The following ADAMTS4 variants were observed in gnomAD, a reference collection of about 807,000 sequenced individuals.
ADAMTS4 encodes A disintegrin and metalloproteinase with thrombospondin motifs 4.
In ADAMTS4, 38 loss-of-function variants were observed where a neutral mutation model predicts 66.7. The ratio of observed to expected loss-of-function variants is 0.57; its 90% CI spans 0.44 to 0.75. The LOEUF is 0.75. ADAMTS4 is among the 30% of genes least tolerant of loss of function. ADAMTS4 has a pLI of 0.00. For synonymous variants in ADAMTS4, 418 were observed against 461.5 expected, an observed-to-expected ratio of 0.91 and a Z score of 1.21; for missense variants, 1,014 against 1,116.7, an observed-to-expected ratio of 0.91 and a Z score of 1.31.
At chr1:161,192,754 T>C (rs1664712659) in intron 7 of ADAMTS4, among the ~76,000 whole-genome samples, 1 of 152,162 alleles carries the variant, frequency 6.6e-6, no homozygotes, top group Non-Finnish European at 1.5e-5. Context: ...GGCTTGTTTT[T>C]CTTTGTGCAG....
chr1:161,191,303 C>A lies in ADAMTS4; in HGVS notation c.2349G>T (p.Leu783=). The change falls in exon 9 of 9, where the codon CTG becomes CTT. Residue 783 remains leucine (L), a synonymous_variant. Coordinates refer to ENST00000367996, the MANE Select transcript of ADAMTS4 (RefSeq NM_005099.6). ...GHGPLAQPLT[L]QVLVAGNPQD... ...GGGGGTTGCCAGCCACTAGGACTTG[C>A]AGTGTCAAAGGCTGGGCCAGTGGCC... 6.2e-7 allele frequency: 1 copy of A among 1,613,968 alleles called. No homozygotes were observed.
In ADAMTS4 at chr1:161,196,890, A is replaced by T; in HGVS notation, c.634-10T>A. 1 of 1,577,974 alleles carries T rather than the reference A, an allele frequency of 6.3e-7. No homozygotes were observed. Among genetic ancestry groups the T allele is most frequent in the Non-Finnish European group, 8.6e-7 (1 of 1,165,468 alleles). On this transcript the variant is annotated splice_polypyrimidine_tract_variant and intron_variant, in intron 1 of 8. Transcript: ENST00000367996. ...TCAGTGAAGCAAAGCGCTGTAGAGA[A>T]AAAGGGAGAGGAAGATCCTGAAATA...
At chr1:161,195,404 G>C in intron 4 of ADAMTS4, 61 bp downstream of exon 4, 1 of 1,513,904 alleles carries the variant, frequency 6.6e-7, no homozygotes, top group Admixed American at 2.0e-5. Flanking sequence ...GCGGAAGTGA[G>C]AGTGCCCTGG....
In ADAMTS4 at chr1:161,188,883, AATATATATATATATATATAT is replaced by A. The variant is rs71777753; in HGVS notation, c.*2235_*2254del. 2.9e-5 allele frequency: 2 copies of A among 68,322 alleles called. No homozygotes were observed. Among genetic ancestry groups the A allele is most frequent in the African/African-American group, 1.0e-4 (2 of 19,118 alleles). The allele number at this position is 68,322 out of a possible 1,614,324, so 4.2% of individuals were successfully genotyped here. ...TAGGCACCTGTCACCATGCCCGGCTAATATATATATATATATATATATATATTTTGTATTTTTAGTAGACA... is the reference window on the plus strand; with the variant it reads ...TAGGCACCTGTCACCATGCCCGGCTAATATATTTTGTATTTTTAGTAGACA... On this transcript the variant is annotated 3_prime_UTR_variant, in exon 9 of 9. Transcript: ENST00000367996.
chr1:161,193,450 C>T lies in ADAMTS4; in HGVS notation c.1736-62G>A. 6.3e-7 allele frequency: 1 copy of T among 1,577,166 alleles called. No homozygotes were observed. Among genetic ancestry groups the T allele is most frequent in the African/African-American group, 1.3e-5 (1 of 74,492 alleles). Reference sequence around the variant, plus strand: ...CCTCACATCACCCCACATCCCTCCACCCAACCCCTGAGAACTCTAGACAGC... The same window carrying T: ...CCTCACATCACCCCACATCCCTCCATCCAACCCCTGAGAACTCTAGACAGC... On this transcript the variant is annotated intron_variant, in intron 6 of 8. Coordinates refer to ENST00000367996, the MANE Select transcript of ADAMTS4 (RefSeq NM_005099.6). The surrounding 1 kb of genome is among the most constrained non-coding windows in gnomAD (Gnocchi z 4.4).
Position 161,194,390 on chromosome 1 carries a change from CTT to C in ADAMTS4, c.1262-171_1262-170del, listed in dbSNP as rs113034418. Among the ~76,000 whole-genome samples, 5 of 144,960 alleles carry C rather than the reference CTT, an allele frequency of 3.4e-5. No homozygotes were observed. Among genetic ancestry groups the C allele is most frequent in the Admixed American group, 6.9e-5 (1 of 14,582 alleles). On this transcript the variant is annotated intron_variant, in intron 4 of 8. Coordinates refer to ENST00000367996, the MANE Select transcript of ADAMTS4 (RefSeq NM_005099.6). This position sits in a 1 kb window ranked among gnomAD's most constrained non-coding sequence, Gnocchi z 4.1. ...TTATAATTTTTATTTTAATTACTTA[CTT>C]TTTTTTTTTTTTCCTGAGACAGAGT...
rs979204936 is a variant in ADAMTS4, at chr1:161,184,784, C to G, written c.*6354G>C. ...CTGTAATCCCAGCACTTTGGGAGGC[C>G]GAGGCAGGCAGATCACTTGAGCCCG... On this transcript the variant is annotated 3_prime_UTR_variant, in exon 9 of 9. Coordinates refer to ENST00000367996, the MANE Select transcript of ADAMTS4 (RefSeq NM_005099.6). 6.6e-6 allele frequency: 1 copy of G among 151,994 alleles called. No individual in the cohort carries two copies. The highest frequency in any genetic ancestry group is 2.4e-5 in the African/African-American group (1 of 41,350). The allele number at this position is 151,994 out of a possible 1,614,324, so 9.4% of individuals were successfully genotyped here.
rs1436372852 is a variant in ADAMTS4, at chr1:161,188,621, C to G, written c.*2517G>C. 1 of 151,774 alleles carries G rather than the reference C, an allele frequency of 6.6e-6. No individual in the cohort carries two copies. Among genetic ancestry groups the G allele is most frequent in the Non-Finnish European group, 1.5e-5 (1 of 67,934 alleles). The allele number at this position is 151,774 out of a possible 1,614,324, so 9.4% of individuals were successfully genotyped here. A position where few individuals can be genotyped will look rare whatever the true frequency, so the allele number is the denominator to read the frequency against. On this transcript the variant is annotated 3_prime_UTR_variant, in exon 9 of 9. Transcript: ENST00000367996. ...TCCCTCTCCTCAGGCATCAGGTATT[C>G]TGCCATTTTGAGGCACCTGGCTCCC...
Position 161,193,407 on chromosome 1 carries a change from C to A in ADAMTS4, c.1736-19G>T. ...GTCAGGGCTGGAGGGGTAAAACAGT[C>A]AGAGCCCCTCCTTCCTTCCTCACAT... On this transcript the variant is annotated intron_variant, in intron 6 of 8. Transcript: ENST00000367996. The surrounding 1 kb of genome is among the most constrained non-coding windows in gnomAD (Gnocchi z 4.4). The A allele has an allele frequency of 6.2e-7, 1 of 1,608,114 alleles. No individual in the cohort carries two copies. The highest frequency in any genetic ancestry group is 1.1e-5 in the South Asian group (1 of 90,804).
rs888527257 is a variant in ADAMTS4 at position 161,196,048 on chromosome 1, A to G, written c.1090+123T>C. 2.9e-5 allele frequency: 35 copies of G among 1,218,618 alleles called. No individual in the cohort carries two copies. The Middle Eastern group carries it at 6.0e-4, about 21-fold the overall frequency. 75.5% of individuals were successfully genotyped at this position (1,218,618 alleles called of 1,614,324 possible). On this transcript the variant is annotated intron_variant, in intron 3 of 8. Coordinates refer to ENST00000367996, the MANE Select transcript of ADAMTS4 (RefSeq NM_005099.6). The stretch of plus-strand genomic sequence containing the variant: ...TCTACACCTGGAGCAGAGAGGAGTA[A>G]TAGCCCTATACCTAGGCCTGGGGGA...
In ADAMTS4 at chr1:161,188,084, G is replaced by C. The variant is rs1413992936; in HGVS notation, c.*3054C>G. 6.6e-6 allele frequency: 1 copy of C among 151,038 alleles called. No homozygotes were observed. The highest frequency in any genetic ancestry group is 1.5e-5 in the Non-Finnish European group (1 of 67,890). 9.4% of individuals were successfully genotyped at this position (151,038 alleles called of 1,614,324 possible). A position where few individuals can be genotyped will look rare whatever the true frequency, so the allele number is the denominator to read the frequency against. On this transcript the variant is annotated 3_prime_UTR_variant, in exon 9 of 9. Transcript: ENST00000367996. The stretch of plus-strand genomic sequence containing the variant: ...CCTGCCTCAGCCTCATGAGTAGCTG[G>C]GACTATAGGCGCTTGCCACCACACC...
chr1:161,194,026 TG>T lies in ADAMTS4; in HGVS notation c.1456del (p.His486ThrfsTer95). The T allele has an allele frequency of 6.2e-7, 1 of 1,612,706 alleles. No individual in the cohort carries two copies. Among genetic ancestry groups the T allele is most frequent in the South Asian group, 1.1e-5 (1 of 90,966 alleles). On this transcript the variant is annotated frameshift_variant, in exon 5 of 9. Transcript: ENST00000367996. LOFTEE classifies it high-confidence loss of function. The surrounding 1 kb of genome is among the most constrained non-coding windows in gnomAD (Gnocchi z 4.1). ...GGGTGTGCCATCGGCCCAGGGCGAGTGTTTGGTCTGGCACATGGCATGGCCA... is the reference window on the plus strand; with the variant it reads ...GGGTGTGCCATCGGCCCAGGGCGAGTTTTGGTCTGGCACATGGCATGGCCA... ...LNGHAMCQTK[H>X]SPWADGTPCG... is the part of the protein sequence containing the mutation.
At position 161,193,374 on chromosome 1, in the gene ADAMTS4, C is replaced by T. The variant is rs746213424; in HGVS notation, c.1750G>A (p.Glu584Lys). 25 of 1,613,498 alleles carry T rather than the reference C, an allele frequency of 1.5e-5. No homozygotes were observed. The highest frequency in any genetic ancestry group is 1.6e-4 in the Middle Eastern group (1 of 6,076). The change falls in exon 7 of 9, where the codon GAG becomes AAG. Residue 584 changes from glutamate (E) to lysine (K), a missense_variant. Coordinates refer to ENST00000367996, the MANE Select transcript of ADAMTS4 (RefSeq NM_005099.6). The surrounding 1 kb of genome is among the most constrained non-coding windows in gnomAD (Gnocchi z 4.4). ...CPTGSALTFR[E>K]EQCAAYNHRT... Reference sequence around the variant, plus strand: ...TGGTTGTAGGCAGCACACTGCTCCTCGCGGAAGGTCAGGGCTGGAGGGGTA... The same window carrying T: ...TGGTTGTAGGCAGCACACTGCTCCTTGCGGAAGGTCAGGGCTGGAGGGGTA...
At position 161,195,685 on chromosome 1, in the gene ADAMTS4, C is replaced by T. The variant is rs1184416095; in HGVS notation, c.1091-50G>A. 4.6e-6 allele frequency: 7 copies of T among 1,522,838 alleles called. No homozygotes were observed. The Admixed American group carries it at 1.4e-4, about 30-fold the overall frequency. 94.3% of individuals were successfully genotyped at this position (1,522,838 alleles called of 1,614,324 possible). ...GATCTGAGGGTCCCTTCCCCATGCC[C>T]TGAGGGACTCCATAATAAATCTGGC... On this transcript the variant is annotated intron_variant, in intron 3 of 8. Coordinates refer to ENST00000367996, the MANE Select transcript of ADAMTS4 (RefSeq NM_005099.6).
chr1:161,197,100 TTCTAA>T, intron 1 of ADAMTS4: 2 of 532,168 alleles, frequency 3.8e-6, no homozygotes, highest in Non-Finnish European at 6.7e-6. Context: ...CAGCAGCTGG[TTCTAA>T]GAAGGGGAGG....
Position 161,198,327 on chromosome 1 carries a change from C to T in ADAMTS4, c.301G>A (p.Gly101Ser), listed in dbSNP as rs780073534. The T allele has an allele frequency of 7.4e-6, 12 of 1,613,202 alleles. No homozygotes were observed. The highest frequency in any genetic ancestry group is 4.5e-5 in the East Asian group (2 of 44,878). ...ACTGTCAGCCCCTCGACCTGCACAC[C>T]GGAGTCCTGCTCCAGCTCTAGTAGC... is the stretch of plus-strand genomic sequence containing the variant. ...TLLLELEQDS[G>S]VQVEGLTVQY... Residue 101 changes from glycine to serine, a missense_variant, in exon 1 of 9, where the codon GGT becomes AGT. By Grantham distance (56) the Gly-to-Ser change is moderately conservative. Coordinates refer to ENST00000367996, the MANE Select transcript of ADAMTS4 (RefSeq NM_005099.6). The surrounding 1 kb of genome is among the most constrained non-coding windows in gnomAD (Gnocchi z 4.7).
chr1:161,198,574 C>G lies in ADAMTS4; in HGVS notation c.54G>C (p.Trp18Cys), dbSNP rs779009777. The change falls in exon 1 of 9, where the codon TGG becomes TGC. Residue 18 changes from tryptophan to cysteine, a missense_variant. Physicochemically the swap from Trp to Cys is radical, Grantham distance 215 (BLOSUM62 -2). Transcript: ENST00000367996. This position sits in a 1 kb window ranked among gnomAD's most constrained non-coding sequence, Gnocchi z 4.7. ...GGAGCAGGAGGCAGGGTTGGGCTCC[C>G]CACAGCCAGCGCCCTGCCAAGCCCC... Reference protein sequence around the residue: ...PGRGLAGRWLWGAQPCLLLPI... With the variant: ...PGRGLAGRWLCGAQPCLLLPI... 6.4e-7 allele frequency: 1 copy of G among 1,551,314 alleles called. No homozygotes were observed. The highest frequency in any genetic ancestry group is 1.2e-5 in the South Asian group (1 of 83,416).
rs966139533 is a variant in ADAMTS4 at position 161,187,233 on chromosome 1, AC to A, written c.*3904del. 3.9e-5 allele frequency: 6 copies of A among 152,048 alleles called. No individual in the cohort carries two copies. The highest frequency in any genetic ancestry group is 1.5e-4 in the African/African-American group (6 of 41,368). 9.4% of individuals were successfully genotyped at this position (152,048 alleles called of 1,614,324 possible). A position where few individuals can be genotyped will look rare whatever the true frequency, so the allele number is the denominator to read the frequency against. ...CTCCCCTGCCCAGAATGCAGTGTGA[AC>A]CCCTTTAGGACAGTCGTATATATTG... On this transcript the variant is annotated 3_prime_UTR_variant, in exon 9 of 9. Transcript: ENST00000367996.
At chr1:161,192,014 T>C in intron 8 of ADAMTS4, 51 bp downstream of exon 8, 1 of 1,588,430 alleles carries the variant, frequency 6.3e-7, no homozygotes, top group East Asian at 2.2e-5. Flanking sequence ...TCTGCATCAC[T>C]AGGACCCAGA....
Sources: gnomAD v4.1 joint callset for allele counts (sites outside exome capture counted in the v4.1 genomes callset) on GRCh38, gnomAD v4.1.1 for gene constraint, Gnocchi (gnomAD v3.1) non-coding constraint, MANE v1.5 for transcripts, NCBI Gene and HGNC (gene_info 2026-07-23, HGNC 2026-07-21) for gene names.